Variants in CERKL observed in about 807,000 individuals in gnomAD.
The protein encoded by CERKL is CERK like autophagy regulator, also known as ceramide kinase-like protein.
Under a neutral mutation model 63.4 loss-of-function variants are expected in CERKL, and 61 were observed. That is an observed-to-expected ratio of 0.96 (90% CI 0.78 to 1.19). CERKL has a LOEUF of 1.19. CERKL is among the 50% of genes most tolerant of loss of function. The pLI, the probability that CERKL is intolerant of heterozygous loss-of-function variation, is 0.00. For missense variants in CERKL, 675 were observed against 655.5 expected (o/e 1.03, Z -0.33); for synonymous variants, 250 against 230.5 (o/e 1.08, Z -0.77).
At chr2:181,581,621 C>T (rs1684517927) in intron 2 of CERKL, among the ~76,000 whole-genome samples, 1 of 152,136 alleles carries the variant, frequency 6.6e-6, no homozygotes, top group South Asian at 2.1e-4. Context: ...ACATGGTGGG[C>T]AGGGAATGCA....
chr2:181,541,796 G>T (rs1687516894), intron 11 of CERKL, among the ~76,000 whole-genome samples: 1 of 152,228 alleles, frequency 6.6e-6, no homozygotes, highest in Non-Finnish European at 1.5e-5. Context: ...AGAAGGAACA[G>T]TTCAGGGTAA....
chr2:181,547,831 G>A lies in CERKL; in HGVS notation c.1150C>T (p.Pro384Ser). ...ATACTTTTCGACTCACCAGATTTGG[G>A]AGATCCCTGTGCCCTCCTAAAAGAA... ...DVQERRAQGS[P>S]KSDCNDQWQM... Residue 384 changes from proline (P) to serine (S), a missense_variant, in exon 9 of 13, where the codon CCC becomes TCC. Transcript: ENST00000410087. 1 of 1,613,936 alleles carries A rather than the reference G, an allele frequency of 6.2e-7. No individual in the cohort carries two copies. The highest frequency in any genetic ancestry group is 8.5e-7 in the Non-Finnish European group (1 of 1,179,986).
At chr2:181,551,694 T>C (rs1687995185) in intron 5 of CERKL, among the ~76,000 whole-genome samples, 1 of 152,156 alleles carries the variant, frequency 6.6e-6, no homozygotes, top group South Asian at 2.1e-4. Flanking sequence ...ACTTTTACAC[T>C]GTTGGTGTAA....
intron 3 of CERKL, among the ~76,000 whole-genome samples, chr2:181,572,780 C>CTTTTTTTTTTTTTTTTTTT (rs5836800): frequency 7.6e-6 from 1 of 131,192 alleles, no homozygotes. Context: ...ACAAAACTTG[C>CTTTTTTTTTTTTTTTTTTT]TTTTTTTTTT....
At chr2:181,559,543 C>T (rs543258938) in intron 4 of CERKL, among the ~76,000 whole-genome samples, 5 of 152,274 alleles carry the variant, frequency 3.3e-5, no homozygotes, top group East Asian at 1.9e-4. Context: ...AATCTAAAGG[C>T]GCAGCCACTT....
At chr2:181,568,676 T>G (rs1264514021) in intron 3 of CERKL, among the ~76,000 whole-genome samples, 1 of 151,688 alleles carries the variant, frequency 6.6e-6, no homozygotes, top group Non-Finnish European at 1.5e-5. Flanking sequence ...TTTTCTTTTT[T>G]TTTTTTTTTA....
chr2:181,541,274 A>T (rs1687492094), intron 11 of CERKL, among the ~76,000 whole-genome samples: 1 of 152,212 alleles, frequency 6.6e-6, no homozygotes. Flanking sequence ...GTGAGAAAGC[A>T]GCCATGTGCC....
At chr2:181,641,579 T>C (rs1275547222) in intron 1 of CERKL, among the ~76,000 whole-genome samples, 1 of 152,000 alleles carries the variant, frequency 6.6e-6, no homozygotes, top group Non-Finnish European at 1.5e-5. Context: ...CATAACCATA[T>C]CAGTTCTACA....
intron 2 of CERKL, among the ~76,000 whole-genome samples, chr2:181,582,810 C>T (rs879590770): frequency 6.6e-6 from 1 of 152,102 alleles, no homozygotes; most frequent in Non-Finnish European, 1.5e-5. Flanking sequence ...TCCTAAAGTA[C>T]TGAGATTACA....
chr2:181,580,069 T>C (rs1684433274), intron 2 of CERKL, among the ~76,000 whole-genome samples: 1 of 151,964 alleles, frequency 6.6e-6, no homozygotes, highest in Non-Finnish European at 1.5e-5. Flanking sequence ...ATATGATCTT[T>C]GAAATAAGTT....
At chr2:181,569,302 TTTGTATTAAAA>T (rs1333016725) in intron 3 of CERKL, among the ~76,000 whole-genome samples, 1 of 152,168 alleles carries the variant, frequency 6.6e-6, no homozygotes, top group Non-Finnish European at 1.5e-5. Flanking sequence ...CTTTTCAGAT[TTTGTATTAAAA>T]TGCAGGTAAA....
rs780009057 is a variant in CERKL at position 181,537,965 on chromosome 2, G to A, written c.*219C>T. The A allele has an allele frequency of 1.5e-6, 1 of 649,410 alleles. No homozygotes were observed. Among genetic ancestry groups the A allele is most frequent in the Non-Finnish European group, 2.9e-6 (1 of 347,054 alleles). 40.2% of individuals were successfully genotyped at this position (649,410 alleles called of 1,614,324 possible). A position where few individuals can be genotyped will look rare whatever the true frequency, so the allele number is the denominator to read the frequency against. On this transcript the variant is annotated 3_prime_UTR_variant, in exon 13 of 13. Transcript: ENST00000410087. ...AGAAGTGCGAACCATATGGTGAACT[G>A]GTATGTGAGGGATCTAGAGTGCCAT...
At chr2:181,615,727 A>G (rs893347146) in intron 1 of CERKL, among the ~76,000 whole-genome samples, 4 of 152,260 alleles carry the variant, frequency 2.6e-5, no homozygotes, top group African/African-American at 7.2e-5. Flanking sequence ...AGGGACCAAT[A>G]AATTTAAACA....
chr2:181,638,425 A>T (rs1321525318), intron 1 of CERKL, among the ~76,000 whole-genome samples: 1 of 152,238 alleles, frequency 6.6e-6, no homozygotes, highest in Non-Finnish European at 1.5e-5. Flanking sequence ...AAAAGAACTC[A>T]GAAGTCAAGA....
chr2:181,614,203 A>C (rs1321208483), intron 1 of CERKL, among the ~76,000 whole-genome samples: 1 of 152,192 alleles, frequency 6.6e-6, no homozygotes, highest in Non-Finnish European at 1.5e-5. Flanking sequence ...CCAGGTGAAA[A>C]GCCCTCCAGC....
chr2:181,574,120 A>C (rs1397506262), intron 2 of CERKL, among the ~76,000 whole-genome samples: 2 of 152,216 alleles, frequency 1.3e-5, no homozygotes, highest in African/African-American at 4.8e-5. Flanking sequence ...CAATATATTT[A>C]ATTTATGAAG....
intron 10 of CERKL, among the ~76,000 whole-genome samples, chr2:181,545,073 C>T: frequency 6.6e-6 from 1 of 152,140 alleles, no homozygotes; most frequent in Admixed American, 6.5e-5. Flanking sequence ...AAGCGTCCTA[C>T]TCACATATCA....
chr2:181,591,713 C>G (rs1684997605), intron 2 of CERKL, among the ~76,000 whole-genome samples: 1 of 152,060 alleles, frequency 6.6e-6, no homozygotes, highest in Admixed American at 6.5e-5. Flanking sequence ...AGGAGAGACA[C>G]AGGGAAGAAT....
chr2:181,549,780 T>C (rs779553220), intron 5 of CERKL, 72 bp from the exon 6 acceptor site: 95 of 953,950 alleles, frequency 1.0e-4, no homozygotes, highest in Non-Finnish European at 1.4e-4. Context: ...TTTTACTTTA[T>C]GTAGATGTCA....
Sources: allele counts gnomAD v4.1 joint callset (sites outside exome capture counted in the v4.1 genomes callset), GRCh38; gene constraint gnomAD v4.1.1; transcripts MANE v1.5; gene names NCBI Gene and HGNC (gene_info 2026-07-23, HGNC 2026-07-21).